Variants in GPR39 observed in about 807,000 individuals in gnomAD.
GPR39 encodes the protein G protein-coupled receptor 39.
Under a neutral mutation model 18.4 loss-of-function variants are expected in GPR39, and 23 were observed. The observed-to-expected ratio is 1.25, with a 90% CI of 0.90 to 1.77. The LOEUF (loss-of-function observed/expected upper bound fraction) is 1.77, where lower values mean the gene tolerates loss of function less well. Ranked by LOEUF, GPR39 falls within the 40% of genes most tolerant of loss-of-function variation. GPR39 has a pLI of 0.00. For synonymous variants in GPR39, 280 were observed against 257.9 expected, an observed-to-expected ratio of 1.09 and a Z score of -0.82; for missense variants, 647 against 602.4, an observed-to-expected ratio of 1.07 and a Z score of -0.78.
intron 1 of GPR39, among the ~76,000 whole-genome samples, chr2:132,469,004 C>T (rs1680981641): frequency 6.6e-6 from 1 of 152,198 alleles, no homozygotes; most frequent in African/African-American, 2.4e-5. Context: ...CTGTTGCCTC[C>T]TTGGCAGCGA....
chr2:132,516,507 T>C (rs1181989536), intron 1 of GPR39, among the ~76,000 whole-genome samples: 1 of 152,180 alleles, frequency 6.6e-6, no homozygotes, highest in Non-Finnish European at 1.5e-5. Flanking sequence ...ACATTTCCTA[T>C]TCTTAATATC....
At chr2:132,498,126 T>C (rs1419652217) in intron 1 of GPR39, among the ~76,000 whole-genome samples, 1 of 152,224 alleles carries the variant, frequency 6.6e-6, no homozygotes, top group African/African-American at 2.4e-5. Context: ...GGGGAACAGA[T>C]AATGCTTGAT....
At chr2:132,564,803 C>CTTTTTCTT in intron 1 of GPR39, among the ~76,000 whole-genome samples, 1 of 91,722 alleles carries the variant, frequency 1.1e-5, no homozygotes, top group East Asian at 4.0e-4. Flanking sequence ...CTATTTTTTT[C>CTTTTTCTT]TTTTTTCTTT....
At position 132,497,014 on chromosome 2, in the gene GPR39, G is replaced by T. The variant is rs903832734; in HGVS notation, c.856+79116G>T. ...TATATATGCAGCCACAGTAGAAATT[G>T]GCTATCATGACAGCAGTGATTATCT... On this transcript the variant is annotated intron_variant, in intron 1 of 1. Coordinates refer to ENST00000329321, the MANE Select transcript of GPR39 (RefSeq NM_001508.3). Among the ~76,000 whole-genome samples the T allele has an allele frequency of 2.6e-5, 4 of 152,152 alleles. No homozygotes were observed. In the East Asian group the frequency reaches 5.8e-4, roughly 22 times the overall value.
Position 132,417,652 on chromosome 2 carries a change from A to G in GPR39, c.610A>G (p.Thr204Ala). 4 of 1,613,854 alleles carry G rather than the reference A, an allele frequency of 2.5e-6. No homozygotes were observed. In the East Asian group the frequency reaches 6.7e-5, roughly 27 times the overall value. Reference protein sequence around the residue: ...SSTRHHEQPETSNMSICTNLS... With the variant: ...SSTRHHEQPEASNMSICTNLS... Reference sequence around the variant, plus strand: ...CACCCGCCACCACGAGCAGCCCGAGACCTCCAATATGTCCATCTGTACCAA... The same window carrying G: ...CACCCGCCACCACGAGCAGCCCGAGGCCTCCAATATGTCCATCTGTACCAA... Residue 204 changes from threonine (T) to alanine (A), a missense_variant, in exon 1 of 2, where the codon ACC (threonine) becomes GCC (alanine). Physicochemically the swap from Thr to Ala is moderately conservative, Grantham distance 58. This residue lies in a region of GPR39 where 581 missense variants were observed against 506.8 expected (regional missense o/e 1.15). Coordinates refer to ENST00000329321, the MANE Select transcript of GPR39 (RefSeq NM_001508.3).
At chr2:132,427,139 T>C (rs1299150307) in intron 1 of GPR39, among the ~76,000 whole-genome samples, 17 of 78,120 alleles carry the variant, frequency 2.2e-4, no homozygotes, top group Non-Finnish European at 3.4e-4. Flanking sequence ...TACATATATA[T>C]ATATATATAT....
chr2:132,585,628 C>T (rs1179331833), intron 1 of GPR39, among the ~76,000 whole-genome samples: 1 of 152,144 alleles, frequency 6.6e-6, no homozygotes, highest in Non-Finnish European at 1.5e-5. Flanking sequence ...CCCCGGGATG[C>T]GTGTTGTAGG....
chr2:132,497,196 A>G (rs13402558), intron 1 of GPR39, among the ~76,000 whole-genome samples: 52,614 of 152,130 alleles, frequency 0.35, 10,338 homozygotes, highest in East Asian at 0.79. Flanking sequence ...AAGGGTCAAC[A>G]CTACATTTGC....
rs563209212 is a variant in GPR39 at position 132,484,325 on chromosome 2, T to C, written c.856+66427T>C. On this transcript the variant is annotated intron_variant, in intron 1 of 1. Transcript: ENST00000329321. ...AGACTAGAAATCCTGATAATGACTT[T>C]CTTGCTTAAAATAAGTTTAAAATGC... 2.0e-5 allele frequency among the ~76,000 whole-genome samples: 3 copies of C among 152,386 alleles called. 1 individual carries two copies. The South Asian group carries it at 6.2e-4, about 32-fold the overall frequency.
At position 132,452,757 on chromosome 2, in the gene GPR39, G is replaced by A. The variant is rs182050786; in HGVS notation, c.856+34859G>A. Among the ~76,000 whole-genome samples the A allele has an allele frequency of 7.2e-4, 110 of 152,010 alleles. 3 individuals carry two copies. The East Asian group carries it at 0.013, about 18-fold the overall frequency. On this transcript the variant is annotated intron_variant, in intron 1 of 1. Transcript: ENST00000329321. ...TTTTTCTGTCCTTGTGATAGTTAGC[G>A]GAGAATGACGGTTTCCAGCTTCATT...
At chr2:132,438,778 T>C (rs955671080) in intron 1 of GPR39, among the ~76,000 whole-genome samples, 15 of 152,128 alleles carry the variant, frequency 9.9e-5, no homozygotes, top group African/African-American at 3.6e-4. Flanking sequence ...CATCATCCTT[T>C]AGTCATTCTC....
At chr2:132,548,232 C>G (rs13409167) in intron 1 of GPR39, among the ~76,000 whole-genome samples, 1,703 of 152,282 alleles carry the variant, frequency 0.011, 32 homozygotes, top group African/African-American at 0.039. Flanking sequence ...TGGTGCTGCT[C>G]GTGCTGAAGT....
chr2:132,508,437 C>G (rs1679175992), intron 1 of GPR39, among the ~76,000 whole-genome samples: 1 of 152,046 alleles, frequency 6.6e-6, no homozygotes, highest in Non-Finnish European at 1.5e-5. Flanking sequence ...TGAGCTCTAG[C>G]TGGGTGGGTT....
intron 1 of GPR39, among the ~76,000 whole-genome samples, chr2:132,606,883 T>G (rs1452990834): frequency 6.6e-6 from 1 of 152,178 alleles, no homozygotes; most frequent in East Asian, 1.9e-4. Context: ...GAACTCCCCC[T>G]GGAGTCCGCG....
intron 1 of GPR39, among the ~76,000 whole-genome samples, chr2:132,484,329 G>T (rs939205321): frequency 6.6e-6 from 1 of 152,200 alleles, no homozygotes; most frequent in African/African-American, 2.4e-5. Flanking sequence ...TGACTTTCTT[G>T]CTTAAAATAA....
chr2:132,587,788 G>T (rs113436101), intron 1 of GPR39, among the ~76,000 whole-genome samples: 11 of 152,324 alleles, frequency 7.2e-5, no homozygotes, highest in Middle Eastern at 3.4e-3. Context: ...ACCCGCCTCA[G>T]CCTCCCAAAG....
rs555772370 is a variant in GPR39, at chr2:132,484,928, C to A, written c.856+67030C>A. Reference sequence around the variant, plus strand: ...TGGAGGAACTCACTTGTATCCAAGACCTCAGAGAAGTCTCACAGATAATGT... The same window carrying A: ...TGGAGGAACTCACTTGTATCCAAGAACTCAGAGAAGTCTCACAGATAATGT... On this transcript the variant is annotated intron_variant, in intron 1 of 1. Coordinates refer to ENST00000329321, the MANE Select transcript of GPR39 (RefSeq NM_001508.3). Among the ~76,000 whole-genome samples, 628 of 152,272 alleles carry A rather than the reference C, an allele frequency of 4.1e-3. 10 individuals are homozygous for A. Among genetic ancestry groups the A allele is most frequent in the Non-Finnish European group, 5.6e-3 (379 of 68,030 alleles).
rs774980827 is a variant in GPR39 at position 132,417,872 on chromosome 2, C to T, written c.830C>T (p.Ala277Val). 2.5e-6 allele frequency: 4 copies of T among 1,597,138 alleles called. No individual in the cohort carries two copies. In the Middle Eastern group the frequency reaches 6.8e-4, roughly 270 times the overall value. The change falls in exon 1 of 2, where the codon GCC (alanine) becomes GTC (valine). Residue 277 changes from alanine (A) to valine (V), a missense_variant. Physicochemically the swap from Ala to Val is moderately conservative, Grantham distance 64. This residue lies in a region of GPR39 where 581 missense variants were observed against 506.8 expected (regional missense o/e 1.15). Transcript: ENST00000329321. ...TCCGAGAGCGAAGAGAGCAGGACCG[C>T]CAGGAGGCAGACCATCATCTTCCTG... ...RKSESEESRTARRQTIIFLRL... is the reference protein window; with the variant it reads ...RKSESEESRTVRRQTIIFLRL...
intron 1 of GPR39, among the ~76,000 whole-genome samples, chr2:132,583,270 T>C (rs1350349656): frequency 6.6e-6 from 1 of 152,000 alleles, no homozygotes; most frequent in Non-Finnish European, 1.5e-5. Flanking sequence ...TGCTGGGTGA[T>C]ACTGTAAAAT....
Sources: gnomAD v4.1 joint callset for allele counts (sites outside exome capture counted in the v4.1 genomes callset) on GRCh38, gnomAD v4.1.1 for gene constraint, gnomAD v4.1.1 regional missense constraint, MANE v1.5 for transcripts, NCBI Gene and HGNC (gene_info 2026-07-23, HGNC 2026-07-21) for gene names.